The following LRP1B variants were observed in gnomAD, a reference collection of about 807,000 sequenced individuals.
The protein encoded by LRP1B is LDL receptor related protein 1B, also known as low-density lipoprotein receptor-related protein 1B.
In LRP1B, 217 loss-of-function variants were observed where a neutral mutation model predicts 556.6. The observed-to-expected ratio is 0.39, with a 90% CI of 0.35 to 0.44. LRP1B has a LOEUF of 0.44. Ranked by LOEUF, LRP1B falls within the 20% of genes least tolerant of loss-of-function variation. The pLI, the probability that LRP1B is intolerant of heterozygous loss-of-function variation, is 1.00. For missense variants in LRP1B, 5,053 were observed against 5,620.8 expected, an observed-to-expected ratio of 0.90 and a Z score of 3.23; for synonymous variants, 2,047 against 1,865.8, an observed-to-expected ratio of 1.10 and a Z score of -2.50.
chr2:141,329,229 A>G (rs1460473213), intron 3 of LRP1B, among the ~76,000 whole-genome samples: 1 of 151,752 alleles, frequency 6.6e-6, no homozygotes, highest in East Asian at 1.9e-4. Context: ...CTCCACTAAA[A>G]TTACAAAAAT....
intron 43 of LRP1B, among the ~76,000 whole-genome samples, chr2:140,562,423 T>G (rs1345432909): frequency 1.3e-5 from 2 of 152,140 alleles, no homozygotes; most frequent in Non-Finnish European, 2.9e-5. Flanking sequence ...ACAGATACAA[T>G]GTCTTACTGT....
At chr2:140,747,787 A>G (rs1322023911) in intron 35 of LRP1B, among the ~76,000 whole-genome samples, 1 of 152,076 alleles carries the variant, frequency 6.6e-6, no homozygotes, top group Non-Finnish European at 1.5e-5. Flanking sequence ...AGCTAGCATA[A>G]TGTCAACACA....
intron 41 of LRP1B, among the ~76,000 whole-genome samples, chr2:140,641,441 AC>A (rs1370659975): frequency 6.6e-6 from 1 of 152,236 alleles, no homozygotes; most frequent in Non-Finnish European, 1.5e-5. Flanking sequence ...GGATAAGCTT[AC>A]TGAAATTAAG....
chr2:140,838,891 G>A (rs1410949157), intron 31 of LRP1B, among the ~76,000 whole-genome samples: 1 of 151,904 alleles, frequency 6.6e-6, no homozygotes, highest in African/African-American at 2.4e-5. Flanking sequence ...CATGCATATG[G>A]GTAAAATATT....
At chr2:140,710,818 T>C (rs1687005878) in intron 37 of LRP1B, among the ~76,000 whole-genome samples, 2 of 152,050 alleles carry the variant, frequency 1.3e-5, no homozygotes, top group African/African-American at 4.8e-5. Context: ...CAAATAAATT[T>C]AGAAACTCCT....
chr2:140,906,673 C>T (rs890471463), intron 22 of LRP1B, among the ~76,000 whole-genome samples: 2 of 152,006 alleles, frequency 1.3e-5, no homozygotes, highest in Non-Finnish European at 2.9e-5. Context: ...TCCATAATTA[C>T]ATTCTTTAAG....
At chr2:140,772,544 C>T (rs1689350056) in intron 33 of LRP1B, among the ~76,000 whole-genome samples, 1 of 151,956 alleles carries the variant, frequency 6.6e-6, no homozygotes, top group South Asian at 2.1e-4. Context: ...CCCTGACATC[C>T]AGTGATCCAT....
chr2:141,544,381 TCTCCTCCTC>T (rs1170452147), intron 2 of LRP1B, among the ~76,000 whole-genome samples: 4,280 of 79,244 alleles, frequency 0.054, 549 homozygotes, highest in East Asian at 0.2. Flanking sequence ...TTCTTCTTCT[TCTCCTCCTC>T]CTCCTCCTCC....
chr2:140,434,144 A>T (rs1179388039), intron 66 of LRP1B, among the ~76,000 whole-genome samples: 1 of 151,888 alleles, frequency 6.6e-6, no homozygotes, highest in Non-Finnish European at 1.5e-5. Context: ...ATCTCTGCTC[A>T]CTGCAACCTC....
Position 141,514,383 on chromosome 2 carries a change from C to A in LRP1B, c.206-33850G>T, listed in dbSNP as rs369075055. ...GTTGAACATGCATGTTCTAGTTGGGCCCCCCTTTCTCGTTGGCCCTGCAAG... is the reference window on the plus strand; with the variant it reads ...GTTGAACATGCATGTTCTAGTTGGGACCCCCTTTCTCGTTGGCCCTGCAAG... On this transcript the variant is annotated intron_variant, in intron 2 of 90. Transcript: ENST00000389484. 7.9e-5 allele frequency among the ~76,000 whole-genome samples: 12 copies of A among 152,262 alleles called. No individual in the cohort carries two copies. The East Asian group carries it at 2.3e-3, about 29-fold the overall frequency.
At chr2:140,541,245 C>A in intron 44 of LRP1B, 147 bp from the exon 45 acceptor site, 3 of 664,956 alleles carry the variant, frequency 4.5e-6, no homozygotes, top group Non-Finnish European at 5.0e-6. Context: ...AAAATCTAAG[C>A]ATTCCTAAGG....
chr2:141,604,308 C>A (rs188566858), intron 2 of LRP1B, among the ~76,000 whole-genome samples: 1 of 152,006 alleles, frequency 6.6e-6, no homozygotes, highest in Non-Finnish European at 1.5e-5. Context: ...TATAACAGAG[C>A]GTTCTCTAAT....
chr2:141,023,401 A>G (rs1698122645), intron 11 of LRP1B, among the ~76,000 whole-genome samples: 2 of 151,966 alleles, frequency 1.3e-5, no homozygotes, highest in Non-Finnish European at 2.9e-5. Flanking sequence ...GATAAATAAC[A>G]TATAATAAAA....
chr2:140,436,518 G>T (rs2105291870), intron 66 of LRP1B, among the ~76,000 whole-genome samples: 1 of 151,886 alleles, frequency 6.6e-6, no homozygotes, highest in Admixed American at 6.6e-5. Flanking sequence ...ATTCATCTGG[G>T]ATCAAATAAG....
intron 2 of LRP1B, among the ~76,000 whole-genome samples, chr2:141,552,264 C>G (rs1243788911): frequency 6.6e-6 from 1 of 151,862 alleles, no homozygotes; most frequent in East Asian, 1.9e-4. Flanking sequence ...GAGATTATTT[C>G]TAGTGAAAAA....
chr2:140,888,038 C>T (rs1187228990), intron 23 of LRP1B, among the ~76,000 whole-genome samples: 1 of 152,092 alleles, frequency 6.6e-6, no homozygotes, highest in Non-Finnish European at 1.5e-5. Context: ...TATCTCAATA[C>T]ATCTGTTATT....
At chr2:141,340,403 A>G (rs1688014261) in intron 3 of LRP1B, among the ~76,000 whole-genome samples, 1 of 152,216 alleles carries the variant, frequency 6.6e-6, no homozygotes, top group Non-Finnish European at 1.5e-5. Flanking sequence ...AGAAAAGGGT[A>G]CATAAATCTT....
At chr2:141,393,654 G>A (rs72983159) in intron 3 of LRP1B, among the ~76,000 whole-genome samples, 15 of 152,038 alleles carry the variant, frequency 9.9e-5, no homozygotes, top group Non-Finnish European at 2.2e-4. Flanking sequence ...GCTTGGACTG[G>A]GTCGGCTAAG....
rs183312935 is a variant in LRP1B at position 140,719,091 on chromosome 2, C to A, written c.5759-2275G>T. On this transcript the variant is annotated intron_variant, in intron 35 of 90. Coordinates refer to ENST00000389484, the MANE Select transcript of LRP1B (RefSeq NM_018557.3). ...TCTTTTGTCTCACAGAATGTAATTT[C>A]TTTGAGGGCTGGGACTTTATTTCAT... Among the ~76,000 whole-genome samples the A allele has an allele frequency of 5.9e-5, 9 of 152,080 alleles. No homozygotes were observed. In the South Asian group the frequency reaches 1.7e-3, roughly 28 times the overall value.
Sources: gnomAD v4.1 joint callset for allele counts (sites outside exome capture counted in the v4.1 genomes callset) on GRCh38, gnomAD v4.1.1 for gene constraint, MANE v1.5 for transcripts, NCBI Gene and HGNC (gene_info 2026-07-23, HGNC 2026-07-21) for gene names.